The following BMPR1B variants were observed in gnomAD, a reference collection of about 807,000 sequenced individuals.
The protein encoded by BMPR1B is bone morphogenetic protein receptor type-1B.
In BMPR1B, 12 loss-of-function variants were observed where a neutral mutation model predicts 59.1. The ratio of observed to expected loss-of-function variants is 0.20; its 90% confidence interval spans 0.13 to 0.33. The LOEUF is 0.33. Among genes scored for constraint, BMPR1B ranks in the 10% least tolerant of loss-of-function variants. The probability of loss-of-function intolerance (pLI) is 1.00; values close to 1 mark genes in which losing one functional copy is unlikely to be tolerated. For synonymous variants in BMPR1B, 237 were observed against 207.3 expected (o/e 1.14, Z -1.23); for missense variants, 550 against 610.9 (o/e 0.90, Z 1.05).
chr4:94,894,438 A>AAGAGAGAGAG lies in BMPR1B; in HGVS notation c.-113+18552_-113+18561dup, dbSNP rs35163913. 3.5e-3 allele frequency among the ~76,000 whole-genome samples: 527 copies of AAGAGAGAGAG among 149,482 alleles called. 4 individuals are homozygous for AAGAGAGAGAG. Among genetic ancestry groups the AAGAGAGAGAG allele is most frequent in the African/African-American group, 0.011 (450 of 40,818 alleles). ...CAAACATAGCCATTATGGCCTTTAA[A>AAGAGAGAGAG]AGAGAGAGAGAGAGAGAGAGAGAAA... On this transcript the variant is annotated intron_variant, in intron 2 of 12. Coordinates refer to ENST00000515059, the MANE Select transcript of BMPR1B (RefSeq NM_001203.3).
intron 2 of BMPR1B, among the ~76,000 whole-genome samples, chr4:94,921,464 C>T (rs946215013): frequency 3.3e-5 from 5 of 152,134 alleles, no homozygotes; most frequent in Non-Finnish European, 7.4e-5. Flanking sequence ...GGAGAGGCCT[C>T]AGGGAGCTTT....
intron 1 of BMPR1B, among the ~76,000 whole-genome samples, chr4:94,765,835 A>C (rs1721948991): frequency 6.6e-6 from 1 of 152,200 alleles, no homozygotes; most frequent in African/African-American, 2.4e-5. Flanking sequence ...TTAGGTGTGC[A>C]GCCCAAGAGG....
intron 6 of BMPR1B, 33 bp downstream of exon 6, chr4:95,115,820 A>G (rs1433869482): frequency 1.9e-6 from 3 of 1,544,268 alleles, no homozygotes; most frequent in Non-Finnish European, 2.7e-6. Context: ...CTGGAAAATC[A>G]CTAGGTATCA....
At position 95,123,829 on chromosome 4, in the gene BMPR1B, A is replaced by G; in HGVS notation, c.369A>G (p.Ile123Met). ...TTTCAGATTTTGTTGATGGACCTAT[A>G]CACCACAGGGCTTTACTTATATCTG... The part of the protein sequence containing the change: ...LKNRDFVDGP[I>M]HHRALLISVT... The change falls in exon 7 of 13, where the codon ATA becomes ATG. Residue 123 changes from isoleucine to methionine, a missense_variant. Ile to Met is a conservative substitution (Grantham distance 10, BLOSUM62 1). Around this residue, in one of 6 missense-constraint regions of BMPR1B, gnomAD observed 20 missense variants for 39.9 expected, o/e 0.50. Transcript: ENST00000515059. 1 of 1,610,778 alleles carries G rather than the reference A, an allele frequency of 6.2e-7. No individual in the cohort carries two copies. Among genetic ancestry groups the G allele is most frequent in the Non-Finnish European group, 8.5e-7 (1 of 1,178,164 alleles).
intron 1 of BMPR1B, among the ~76,000 whole-genome samples, chr4:94,780,359 C>T (rs879641497): frequency 7.9e-5 from 12 of 152,132 alleles, no homozygotes; most frequent in Non-Finnish European, 1.2e-4. Context: ...CTACGTAATT[C>T]ATTTTCATTG....
At chr4:94,920,628 G>A (rs922514892) in intron 2 of BMPR1B, among the ~76,000 whole-genome samples, 4 of 152,102 alleles carry the variant, frequency 2.6e-5, no homozygotes, top group Non-Finnish European at 4.4e-5. Context: ...CACCAAGAGC[G>A]AGTACTAAAA....
At chr4:94,970,049 A>C (rs1388480669) in intron 2 of BMPR1B, among the ~76,000 whole-genome samples, 1 of 152,174 alleles carries the variant, frequency 6.6e-6, no homozygotes, top group Admixed American at 6.5e-5. Flanking sequence ...TTAACTTCTT[A>C]GTTACTTATA....
At chr4:95,091,360 C>T in intron 3 of BMPR1B, 1 of 652,498 alleles carries the variant, frequency 1.5e-6, no homozygotes, top group Non-Finnish European at 1.9e-6. Context: ...GCCATGGGTC[C>T]TGAACATAGC....
intron 1 of BMPR1B, among the ~76,000 whole-genome samples, chr4:94,835,366 T>C (rs1242269046): frequency 1.3e-5 from 2 of 152,122 alleles, no homozygotes; most frequent in East Asian, 3.9e-4. Context: ...TAAGATATGA[T>C]GATTTGTTGA....
intron 3 of BMPR1B, among the ~76,000 whole-genome samples, chr4:95,081,709 C>T (rs11937369): frequency 0.3 from 45,946 of 151,892 alleles, 7,255 homozygotes; most frequent in Middle Eastern, 0.42. Flanking sequence ...TAAGAAACTC[C>T]GTGATGTCCA....
intron 3 of BMPR1B, among the ~76,000 whole-genome samples, chr4:95,037,979 G>T (rs1423183304): frequency 6.6e-6 from 1 of 152,134 alleles, no homozygotes; most frequent in Non-Finnish European, 1.5e-5. Flanking sequence ...AAATTATGTA[G>T]TAGTTAGAAG....
At chr4:94,774,594 T>G (rs562227330) in intron 1 of BMPR1B, among the ~76,000 whole-genome samples, 2 of 152,232 alleles carry the variant, frequency 1.3e-5, no homozygotes, top group African/African-American at 4.8e-5. Flanking sequence ...GCTTTTCTGT[T>G]TCTTTGGAAC....
chr4:94,853,138 A>G (rs573831893), intron 1 of BMPR1B, among the ~76,000 whole-genome samples: 2 of 152,240 alleles, frequency 1.3e-5, no homozygotes, highest in South Asian at 2.1e-4. Context: ...TCGAAATTGT[A>G]TGTGTTTATT....
intron 3 of BMPR1B, among the ~76,000 whole-genome samples, chr4:95,055,890 T>C (rs181748614): frequency 3.9e-5 from 6 of 152,286 alleles, no homozygotes; most frequent in Admixed American, 3.9e-4. Context: ...CTCAAATTAG[T>C]TTCTTTTTTC....
intron 1 of BMPR1B, among the ~76,000 whole-genome samples, chr4:94,829,413 A>G (rs1724494526): frequency 6.8e-6 from 1 of 147,762 alleles, no homozygotes; most frequent in South Asian, 2.1e-4. Flanking sequence ...AGCTGGGATT[A>G]CAGGCACACG....
chr4:95,030,436 G>A (rs1156243819), intron 3 of BMPR1B, among the ~76,000 whole-genome samples: 1 of 152,088 alleles, frequency 6.6e-6, no homozygotes, highest in African/African-American at 2.4e-5. Context: ...TAGATATGTG[G>A]TGTTATTTCT....
rs114997375 is a variant in BMPR1B, at chr4:94,810,706, A to G, written c.-183+52638A>G. Among the ~76,000 whole-genome samples, 806 of 152,348 alleles carry G rather than the reference A, an allele frequency of 5.3e-3. 5 individuals are homozygous for G. Among genetic ancestry groups the G allele is most frequent in the African/African-American group, 0.018 (755 of 41,588 alleles). ...CTTTTCTGCTATAAAGACAAACTAA[A>G]TGGTGTTTCTTGAAGCCAGAGAAGA... On this transcript the variant is annotated intron_variant, in intron 1 of 12. Transcript: ENST00000515059.
intron 1 of BMPR1B, among the ~76,000 whole-genome samples, chr4:94,784,413 C>A (rs1722693040): frequency 6.6e-6 from 1 of 152,074 alleles, no homozygotes; most frequent in Non-Finnish European, 1.5e-5. Context: ...ACTTTTTAAA[C>A]TACTTAGATT....
At chr4:94,920,991 G>A (rs138265795) in intron 2 of BMPR1B, among the ~76,000 whole-genome samples, 8 of 152,098 alleles carry the variant, frequency 5.3e-5, no homozygotes, top group Non-Finnish European at 1.0e-4. Context: ...AGAAGATTAA[G>A]GAAGTATGTT....
Sources: allele counts gnomAD v4.1 joint callset (sites outside exome capture counted in the v4.1 genomes callset), GRCh38; gene constraint gnomAD v4.1.1; regional missense constraint gnomAD v4.1.1; transcripts MANE v1.5; gene names NCBI Gene and HGNC (gene_info 2026-07-23, HGNC 2026-07-21).